FGGY: variants seen among roughly 807,000 people sequenced by gnomAD.
FGGY encodes FGGY carbohydrate kinase domain-containing protein.
A neutral mutation model predicts 71.3 loss-of-function variants in FGGY; 72 were observed. The observed-to-expected ratio is 1.01, with a 90% confidence interval of 0.84 to 1.23. The LOEUF is 1.23. Among genes scored for constraint, FGGY ranks in the 50% most tolerant of loss-of-function variants. The probability of loss-of-function intolerance (pLI) is 0.00; values close to 1 mark genes in which losing one functional copy is unlikely to be tolerated. For synonymous variants in FGGY, 251 were observed against 250.3 expected (o/e 1.00, Z -0.02); for missense variants, 668 against 682.3 (o/e 0.98, Z 0.23).
chr1:59,500,663 CAAAAAAAAAAA>C (rs922111998), intron 6 of FGGY, among the ~76,000 whole-genome samples: 1 of 44,770 alleles, frequency 2.2e-5, no homozygotes, highest in African/African-American at 9.1e-5. Flanking sequence ...GCCTTCTTGC[CAAAAAAAAAAA>C]AAAAAAAAAA....
intron 7 of FGGY, among the ~76,000 whole-genome samples, chr1:59,532,821 G>GAA (rs1168120521): frequency 2.0e-5 from 3 of 151,900 alleles, no homozygotes; most frequent in Non-Finnish European, 4.4e-5. Context: ...TAGAAAGAAA[G>GAA]AAAGCTAACA....
intron 14 of FGGY, among the ~76,000 whole-genome samples, chr1:59,720,199 A>G (rs2097877823): frequency 6.6e-6 from 1 of 152,176 alleles, no homozygotes; most frequent in Admixed American, 6.5e-5. Context: ...GCAACAGGTA[A>G]GGGGCTCATA....
intron 10 of FGGY, among the ~76,000 whole-genome samples, chr1:59,635,674 A>G (rs532907769): frequency 6.6e-6 from 1 of 152,270 alleles, no homozygotes; most frequent in South Asian, 2.1e-4. Context: ...TTTCTTGTGA[A>G]TGTGATTCCT....
At chr1:59,575,264 C>A (rs1204787752) in intron 8 of FGGY, among the ~76,000 whole-genome samples, 1 of 152,110 alleles carries the variant, frequency 6.6e-6, no homozygotes, top group Non-Finnish European at 1.5e-5. Context: ...CTCTGCTTTA[C>A]CCCTTGGCAA....
intron 5 of FGGY, among the ~76,000 whole-genome samples, chr1:59,419,741 T>C (rs2065084719): frequency 1.3e-5 from 2 of 152,174 alleles, no homozygotes; most frequent in South Asian, 4.1e-4. Context: ...AAGCATAATA[T>C]GGAGGTTTGC....
At chr1:59,688,301 G>T (rs528742704) in intron 14 of FGGY, among the ~76,000 whole-genome samples, 1 of 152,368 alleles carries the variant, frequency 6.6e-6, no homozygotes, top group East Asian at 1.9e-4. Context: ...TGGAGGCTCA[G>T]AGAGGGCAAG....
intron 14 of FGGY, among the ~76,000 whole-genome samples, chr1:59,735,620 T>G (rs1346589007): frequency 2.0e-5 from 3 of 152,218 alleles, no homozygotes; most frequent in Admixed American, 6.5e-5. Flanking sequence ...CTATGACTCC[T>G]GTTTTATCTA....
chr1:59,394,851 G>C (rs530653158), intron 5 of FGGY, among the ~76,000 whole-genome samples: 2 of 152,136 alleles, frequency 1.3e-5, no homozygotes, highest in East Asian at 3.9e-4. Flanking sequence ...CTCATCTCCT[G>C]CTGGTCCTTA....
At chr1:59,588,186 G>A (rs528560300) in intron 8 of FGGY, among the ~76,000 whole-genome samples, 1 of 152,326 alleles carries the variant, frequency 6.6e-6, no homozygotes, top group African/African-American at 2.4e-5. Flanking sequence ...CTGGAAGAAA[G>A]GGTATCAGGG....
At chr1:59,338,910 T>C (rs1234009570) in intron 2 of FGGY, among the ~76,000 whole-genome samples, 1 of 152,128 alleles carries the variant, frequency 6.6e-6, no homozygotes, top group Non-Finnish European at 1.5e-5. Context: ...TCCAAGAAGG[T>C]CCACTTCTGC....
chr1:59,746,838 C>T (rs2098202363), intron 14 of FGGY, among the ~76,000 whole-genome samples: 1 of 152,098 alleles, frequency 6.6e-6, no homozygotes, highest in Non-Finnish European at 1.5e-5. Context: ...TCAGGATGTT[C>T]ATGGCAGAAC....
At chr1:59,748,651 C>T (rs938507647) in intron 14 of FGGY, among the ~76,000 whole-genome samples, 10 of 152,108 alleles carry the variant, frequency 6.6e-5, no homozygotes, top group African/African-American at 1.2e-4. Context: ...ATTCAAAAAG[C>T]GATGGAACAC....
At position 59,626,022 on chromosome 1, in the gene FGGY, C is replaced by T; in HGVS notation, c.1046C>T (p.Pro349Leu). 1 of 1,613,434 alleles carries T rather than the reference C, an allele frequency of 6.2e-7. No individual in the cohort carries two copies. Among genetic ancestry groups the T allele is most frequent in the South Asian group, 1.1e-5 (1 of 90,880 alleles). The stretch of plus-strand genomic sequence containing the variant: ...ATGGTACAAGGCCATGCTGCTTTTC[C>T]AGAACTACAAGTAAAGGCCACAGCC... ...DHMVQGHAAF[P>L]ELQVKATARC... The change falls in exon 10 of 16, where the codon CCA becomes CTA. Residue 349 changes from proline to leucine, a missense_variant. Pro to Leu is a moderately conservative substitution (Grantham distance 98). Transcript: ENST00000303721.
At chr1:59,615,296 A>T (rs539549528) in intron 9 of FGGY, among the ~76,000 whole-genome samples, 6 of 152,342 alleles carry the variant, frequency 3.9e-5, no homozygotes, top group African/African-American at 1.4e-4. Flanking sequence ...TGGTATCATA[A>T]CAGAGATATA....
intron 14 of FGGY, among the ~76,000 whole-genome samples, chr1:59,753,725 A>G (rs894869727): frequency 2.0e-5 from 3 of 151,790 alleles, no homozygotes; most frequent in Non-Finnish European, 4.4e-5. Context: ...TTAACAAGTT[A>G]TATGGAGCAA....
At chr1:59,746,903 T>C (rs2098202848) in intron 14 of FGGY, among the ~76,000 whole-genome samples, 1 of 152,214 alleles carries the variant, frequency 6.6e-6, no homozygotes, top group Admixed American at 6.5e-5. Flanking sequence ...ACAGCAAATG[T>C]TTAAAAGTAT....
intron 6 of FGGY, among the ~76,000 whole-genome samples, chr1:59,460,464 C>T (rs2092094353): frequency 6.6e-6 from 1 of 152,240 alleles, no homozygotes. Context: ...GACCCCACCA[C>T]TGGGGGCACG....
chr1:59,756,551 C>T (rs577197519), intron 14 of FGGY, among the ~76,000 whole-genome samples: 1 of 152,318 alleles, frequency 6.6e-6, no homozygotes, highest in South Asian at 2.1e-4. Context: ...ATAGTGAGCT[C>T]TTTGATGAAA....
rs145616341 is a variant in FGGY at position 59,674,122 on chromosome 1, G to A, written c.1501G>A (p.Ala501Thr). 254 of 1,613,628 alleles carry A rather than the reference G, an allele frequency of 1.6e-4. No individual in the cohort carries two copies. The highest frequency in any genetic ancestry group is 9.9e-4 in the Middle Eastern group (6 of 6,062). ...VLGACASGDF[A>T]SVQEAMAKMS... ...GGGTGCCTGTGCCTCAGGGGATTTC[G>A]CTTCTGTACAGGTATGTGAAGACCA... Residue 501 changes from alanine to threonine, a missense_variant, in exon 14 of 16, where the codon GCT becomes ACT. Ala to Thr is a moderately conservative substitution (Grantham distance 58). Coordinates refer to ENST00000303721, the MANE Select transcript of FGGY (RefSeq NM_018291.5).
Sources: allele counts gnomAD v4.1 joint callset (sites outside exome capture counted in the v4.1 genomes callset), GRCh38; gene constraint gnomAD v4.1.1; transcripts MANE v1.5; gene names NCBI Gene and HGNC (gene_info 2026-07-23, HGNC 2026-07-21).